The following CPEB3 variants were observed in gnomAD, a reference collection of about 807,000 sequenced individuals.
CPEB3 encodes cytoplasmic polyadenylation element binding protein 3.
A neutral mutation model predicts 67.2 loss-of-function variants in CPEB3; 20 were observed. The observed-to-expected ratio is 0.30, with a 90% CI of 0.21 to 0.43. CPEB3 has a LOEUF of 0.43. CPEB3 is among the 20% of genes least tolerant of loss of function. The pLI, the probability that CPEB3 is intolerant of heterozygous loss-of-function variation, is 1.00. For missense variants in CPEB3, 746 were observed against 968.6 expected (o/e 0.77, Z 3.05); for synonymous variants, 376 against 393.1 (o/e 0.96, Z 0.51).
chr10:92,289,046 C>T (rs1842667878), intron 1 of CPEB3, among the ~76,000 whole-genome samples: 1 of 152,046 alleles, frequency 6.6e-6, no homozygotes, highest in South Asian at 2.1e-4. Context: ...AGTTCAAGAT[C>T]AGCCTGGTCA....
intron 6 of CPEB3, among the ~76,000 whole-genome samples, chr10:92,132,405 A>C (rs1183778673): frequency 6.6e-6 from 1 of 152,246 alleles, no homozygotes; most frequent in African/African-American, 2.4e-5. Flanking sequence ...TCAAAAGTAA[A>C]GTAATACAAG....
chr10:92,272,031 T>G (rs1180341255), intron 1 of CPEB3: 1 of 152,184 alleles, frequency 6.6e-6, no homozygotes, highest in African/African-American at 2.4e-5. Flanking sequence ...TGGATTCATA[T>G]TTATTCTATT....
chr10:92,255,639 C>A (rs1852482915), intron 1 of CPEB3, among the ~76,000 whole-genome samples: 1 of 152,160 alleles, frequency 6.6e-6, no homozygotes, highest in African/African-American at 2.4e-5. Flanking sequence ...TCTATTAACA[C>A]CCTGAACAAA....
intron 9 of CPEB3, among the ~76,000 whole-genome samples, chr10:92,053,035 T>C (rs753316169): frequency 6.6e-5 from 10 of 152,206 alleles, no homozygotes; most frequent in Non-Finnish European, 1.3e-4. Context: ...AGTGTCGTAA[T>C]GACACAGCTC....
At chr10:92,229,411 G>A (rs752974844) in intron 2 of CPEB3, among the ~76,000 whole-genome samples, 4 of 152,020 alleles carry the variant, frequency 2.6e-5, no homozygotes, top group African/African-American at 7.3e-5. Context: ...TTAATAACTC[G>A]ACATGACAAG....
At chr10:92,089,602 T>C (rs1843529504) in intron 8 of CPEB3, among the ~76,000 whole-genome samples, 1 of 152,070 alleles carries the variant, frequency 6.6e-6, no homozygotes. Context: ...CTGGCCAACA[T>C]GGTGAAACAC....
intron 1 of CPEB3, among the ~76,000 whole-genome samples, chr10:92,258,449 A>G (rs1852619756): frequency 6.6e-6 from 1 of 151,544 alleles, no homozygotes; most frequent in East Asian, 1.9e-4. Context: ...TCATACCATC[A>G]TATGATAATG....
chr10:92,177,717 G>C (rs562347251), intron 4 of CPEB3, among the ~76,000 whole-genome samples: 3 of 152,280 alleles, frequency 2.0e-5, no homozygotes, highest in Admixed American at 6.5e-5. Context: ...GGTATAACTG[G>C]AGGGCATGCA....
At chr10:92,278,559 T>C (rs1842102446) in intron 1 of CPEB3, among the ~76,000 whole-genome samples, 1 of 152,036 alleles carries the variant, frequency 6.6e-6, no homozygotes, top group South Asian at 2.1e-4. Context: ...TTTTGCACAT[T>C]GAGCTTATAT....
intron 2 of CPEB3, among the ~76,000 whole-genome samples, chr10:92,231,987 T>C (rs1376839637): frequency 1.3e-5 from 2 of 151,536 alleles, no homozygotes; most frequent in African/African-American, 4.9e-5. Flanking sequence ...CCCAAAGTGC[T>C]GGAATTATAG....
chr10:92,255,144 A>G (rs1047364870), intron 1 of CPEB3, among the ~76,000 whole-genome samples: 1 of 152,082 alleles, frequency 6.6e-6, no homozygotes, highest in African/African-American at 2.4e-5. Context: ...CCTTTCTCAG[A>G]GGAAGCTGAG....
At chr10:92,080,612 T>TA (rs1293858948) in intron 9 of CPEB3, among the ~76,000 whole-genome samples, 2 of 151,870 alleles carry the variant, frequency 1.3e-5, no homozygotes, top group African/African-American at 4.8e-5. Context: ...TTTTTTTTTT[T>TA]AGACGGAGCC....
intron 6 of CPEB3, among the ~76,000 whole-genome samples, chr10:92,130,521 T>C (rs1389938463): frequency 6.6e-6 from 1 of 152,146 alleles, no homozygotes; most frequent in African/African-American, 2.4e-5. Flanking sequence ...ATATCCTCAA[T>C]GGGTCATTAA....
chr10:92,231,883 C>A (rs1253184341), intron 2 of CPEB3, among the ~76,000 whole-genome samples: 5 of 151,798 alleles, frequency 3.3e-5, no homozygotes, highest in Non-Finnish European at 7.4e-5. Flanking sequence ...CCACGCCCAG[C>A]AAATTTTTGT....
intron 6 of CPEB3, among the ~76,000 whole-genome samples, chr10:92,126,377 C>T (rs990739514): frequency 1.3e-5 from 2 of 152,122 alleles, no homozygotes; most frequent in African/African-American, 4.8e-5. Flanking sequence ...AATAACTCAA[C>T]TACCAAGCAG....
At chr10:92,196,262 G>C (rs1215893251) in intron 2 of CPEB3, among the ~76,000 whole-genome samples, 2 of 152,238 alleles carry the variant, frequency 1.3e-5, no homozygotes. Context: ...GCAGGGACTA[G>C]TGTGAGCAGC....
At chr10:92,196,692 G>A (rs978380904) in intron 2 of CPEB3, among the ~76,000 whole-genome samples, 69 of 151,602 alleles carry the variant, frequency 4.6e-4, no homozygotes, top group African/African-American at 1.6e-3. Flanking sequence ...CGCTTGAACT[G>A]GGGAGGCGGA....
At chr10:92,154,180 G>C (rs972529119) in intron 4 of CPEB3, among the ~76,000 whole-genome samples, 2 of 152,160 alleles carry the variant, frequency 1.3e-5, no homozygotes, top group African/African-American at 2.4e-5. Context: ...TTTCTAACAG[G>C]GGTTGCAGTT....
At chr10:92,210,862 A>T (rs1000134241) in intron 2 of CPEB3, among the ~76,000 whole-genome samples, 1 of 152,086 alleles carries the variant, frequency 6.6e-6, no homozygotes, top group African/African-American at 2.4e-5. Flanking sequence ...AGATGATGAA[A>T]CCCAGTCTGT....
Sources: allele counts gnomAD v4.1 joint callset (sites outside exome capture counted in the v4.1 genomes callset), GRCh38; gene constraint gnomAD v4.1.1; transcripts MANE v1.5; gene names NCBI Gene and HGNC (gene_info 2026-07-23, HGNC 2026-07-21).